The following RIMKLA variants were observed in gnomAD, a reference collection of about 807,000 sequenced individuals.
RIMKLA encodes ribosomal modification protein rimK like family member A.
In RIMKLA, 14 loss-of-function variants were observed where a neutral mutation model predicts 32.7. The ratio of observed to expected loss-of-function variants is 0.43; its 90% confidence interval spans 0.28 to 0.67. The LOEUF is 0.67. RIMKLA is among the 30% of genes least tolerant of loss of function. The pLI is 0.18. For synonymous variants in RIMKLA, 176 were observed against 204.1 expected (o/e 0.86, Z 1.18); for missense variants, 410 against 519.0 (o/e 0.79, Z 2.04).
intron 2 of RIMKLA, among the ~76,000 whole-genome samples, chr1:42,401,053 TG>T (rs1419805603): frequency 1.3e-5 from 2 of 150,806 alleles, no homozygotes; most frequent in Non-Finnish European, 3.0e-5. Flanking sequence ...CAGATGGGGG[TG>T]GGGTGGGGGA....
intron 4 of RIMKLA, among the ~76,000 whole-genome samples, chr1:42,413,547 A>T (rs1643220034): frequency 6.6e-6 from 1 of 151,466 alleles, no homozygotes; most frequent in African/African-American, 2.4e-5. Flanking sequence ...AAAATTTGGG[A>T]AATACAGCAA....
In RIMKLA at chr1:42,415,545, C is replaced by T. The variant is rs556965558; in HGVS notation, c.*571C>T. 1 of 152,532 alleles carries T rather than the reference C, an allele frequency of 6.6e-6. No individual in the cohort carries two copies. Among genetic ancestry groups the T allele is most frequent in the Admixed American group, 6.5e-5 (1 of 15,318 alleles). 9.4% of individuals were successfully genotyped at this position (152,532 alleles called of 1,614,324 possible). On this transcript the variant is annotated 3_prime_UTR_variant, in exon 5 of 5. Transcript: ENST00000431473. ...CCTCATTAGCATTTTCAGTGAAGCA[C>T]TTTGTAGAAAGTGAGATTGAACGTT...
In RIMKLA at chr1:42,417,379, C is replaced by CTT. The variant is rs1429949834; in HGVS notation, c.*2406_*2407insTT. On this transcript the variant is annotated 3_prime_UTR_variant, in exon 5 of 5. Coordinates refer to ENST00000431473, the MANE Select transcript of RIMKLA (RefSeq NM_173642.4). The stretch of plus-strand genomic sequence containing the variant: ...TCCCATACCATGCTGGCTGTGGGCT[C>CTT]TGTGAGCCTCAGCCAGGTGGCCAGG... 6.6e-6 allele frequency: 1 copy of CTT among 152,234 alleles called. No homozygotes were observed. The highest frequency in any genetic ancestry group is 1.9e-4 in the East Asian group (1 of 5,198). 9.4% of individuals were successfully genotyped at this position (152,234 alleles called of 1,614,324 possible).
intron 1 of RIMKLA, among the ~76,000 whole-genome samples, chr1:42,398,191 T>A (rs1267666794): frequency 6.6e-6 from 1 of 152,210 alleles, no homozygotes; most frequent in Non-Finnish European, 1.5e-5. Context: ...CTTATGGATA[T>A]CTCTGTCTCC....
chr1:42,414,476 C>T lies in RIMKLA; in HGVS notation c.686-8C>T, dbSNP rs757618446. The T allele has an allele frequency of 6.8e-6, 11 of 1,612,986 alleles. No homozygotes were observed. Among genetic ancestry groups the T allele is most frequent in the Middle Eastern group, 1.6e-4 (1 of 6,078 alleles). ...TGTCACCTTTACATCACTGTGCTTT[C>T]CCCACAGGTGGCGTGGGCGTCAAGT... On this transcript the variant is annotated splice_region_variant and splice_polypyrimidine_tract_variant and intron_variant, in intron 4 of 4. Coordinates refer to ENST00000431473, the MANE Select transcript of RIMKLA (RefSeq NM_173642.4).
rs917922331 is a variant in RIMKLA at position 42,416,064 on chromosome 1, G to A, written c.*1090G>A. Reference sequence around the variant, plus strand: ...CCAAACGGGGAAGACTCAGGTATCAGGAATTACCCATTGCACATTTTGCGG... The same window carrying A: ...CCAAACGGGGAAGACTCAGGTATCAAGAATTACCCATTGCACATTTTGCGG... On this transcript the variant is annotated 3_prime_UTR_variant, in exon 5 of 5. Coordinates refer to ENST00000431473, the MANE Select transcript of RIMKLA (RefSeq NM_173642.4). The A allele has an allele frequency of 2.2e-5, 3 of 133,710 alleles. No individual in the cohort carries two copies. Among genetic ancestry groups the A allele is most frequent in the Non-Finnish European group, 3.1e-5 (2 of 63,614 alleles). The allele number at this position is 133,710 out of a possible 1,614,324, so 8.3% of individuals were successfully genotyped here. A position where few individuals can be genotyped will look rare whatever the true frequency, so the allele number is the denominator to read the frequency against.
chr1:42,384,449 CATA>C (rs1330399121), intron 1 of RIMKLA, among the ~76,000 whole-genome samples: 1 of 149,276 alleles, frequency 6.7e-6, no homozygotes, highest in African/African-American at 2.5e-5. Context: ...CCAGAATGCA[CATA>C]ATAATAATGG....
intron 3 of RIMKLA, among the ~76,000 whole-genome samples, chr1:42,405,352 C>T (rs536360017): frequency 6.2e-4 from 94 of 152,338 alleles, no homozygotes; most frequent in African/African-American, 2.1e-3. Flanking sequence ...AGACTGCGAG[C>T]TGCTCATTGG....
chr1:42,395,770 C>T (rs1308331436), intron 1 of RIMKLA, among the ~76,000 whole-genome samples: 1 of 152,206 alleles, frequency 6.6e-6, no homozygotes, highest in Non-Finnish European at 1.5e-5. Context: ...TCAAAATTTA[C>T]AGACCTTTTG....
intron 3 of RIMKLA, 49 bp from the exon 4 acceptor site, chr1:42,409,935 A>G: frequency 6.9e-7 from 1 of 1,445,358 alleles, no homozygotes; most frequent in Non-Finnish European, 9.7e-7. Context: ...GCAAGTACAG[A>G]GTCCAGAGGC....
chr1:42,408,293 G>A (rs1643166070), intron 3 of RIMKLA, among the ~76,000 whole-genome samples: 1 of 152,146 alleles, frequency 6.6e-6, no homozygotes, highest in African/African-American at 2.4e-5. Context: ...CAGATCACGT[G>A]GCTGAACTCC....
intron 2 of RIMKLA, among the ~76,000 whole-genome samples, chr1:42,403,398 G>C (rs1289110970): frequency 6.6e-6 from 1 of 152,170 alleles, no homozygotes; most frequent in Non-Finnish European, 1.5e-5. Flanking sequence ...ATTGAATAGA[G>C]GGCGGATGTA....
intron 1 of RIMKLA, among the ~76,000 whole-genome samples, chr1:42,390,417 T>G (rs958379480): frequency 2.0e-5 from 3 of 152,048 alleles, no homozygotes; most frequent in African/African-American, 7.3e-5. Flanking sequence ...CGGGAGAAAT[T>G]GGTGATGTAG....
intron 1 of RIMKLA, among the ~76,000 whole-genome samples, chr1:42,393,095 G>C (rs900684935): frequency 6.6e-6 from 1 of 152,178 alleles, no homozygotes; most frequent in Non-Finnish European, 1.5e-5. Flanking sequence ...ATTCAGCTCT[G>C]GTTGCTGAGA....
chr1:42,414,114 T>G (rs927650579), intron 4 of RIMKLA, among the ~76,000 whole-genome samples: 13 of 151,758 alleles, frequency 8.6e-5, no homozygotes, highest in African/African-American at 3.1e-4. Flanking sequence ...GAGATTTAGA[T>G]TATAATTTTT....
In RIMKLA at chr1:42,414,873, C is replaced by T. The variant is rs369934711; in HGVS notation, c.1075C>T (p.Arg359Trp). ...SESEPELGEI[R>W]DSSASTMGAP... is the part of the protein sequence containing the mutation. ...AAGTGAGCCTGAACTGGGAGAGATC[C>T]GGGATTCCTCAGCAAGCACAATGGG... The change falls in exon 5 of 5, where the codon CGG becomes TGG. Residue 359 changes from arginine to tryptophan, a missense_variant. Coordinates refer to ENST00000431473, the MANE Select transcript of RIMKLA (RefSeq NM_173642.4). 1.1e-5 allele frequency: 18 copies of T among 1,614,000 alleles called. No individual in the cohort carries two copies. The highest frequency in any genetic ancestry group is 6.6e-5 in the South Asian group (6 of 91,078).
At chr1:42,409,864 G>A (rs1643181800) in intron 3 of RIMKLA, 120 bp from the exon 4 acceptor site, 1 of 754,906 alleles carries the variant, frequency 1.3e-6, no homozygotes, top group Non-Finnish European at 2.3e-6. Context: ...AGAAATAGAA[G>A]GGACCAAAGT....
chr1:42,410,216 A>T (rs773171558), intron 4 of RIMKLA, 29 bp downstream of exon 4: 1 of 1,590,244 alleles, frequency 6.3e-7, no homozygotes, highest in East Asian at 2.2e-5. Flanking sequence ...GGGTTTTATT[A>T]GGGTATTTGG....
chr1:42,398,858 TG>T (rs1157732961), intron 1 of RIMKLA, among the ~76,000 whole-genome samples: 1 of 149,632 alleles, frequency 6.7e-6, no homozygotes, highest in East Asian at 2.0e-4. Context: ...TTCCAGCTAC[TG>T]GGGAGTCGGA....
Sources: allele counts gnomAD v4.1 joint callset (sites outside exome capture counted in the v4.1 genomes callset), GRCh38; gene constraint gnomAD v4.1.1; transcripts MANE v1.5; gene names NCBI Gene and HGNC (gene_info 2026-07-23, HGNC 2026-07-21).